The following TPTE2 variants were observed in gnomAD, a reference collection of about 807,000 sequenced individuals.
TPTE2 encodes the protein phosphatidylinositol 3,4,5-trisphosphate 3-phosphatase TPTE2.
TPTE2 carries 53 observed loss-of-function variants against 78.6 expected under a neutral mutation model. That is an observed-to-expected ratio of 0.67 (90% CI 0.54 to 0.85). The LOEUF is 0.85. Among genes scored for constraint, TPTE2 ranks in the 40% least tolerant of loss-of-function variants. The pLI, the probability that TPTE2 is intolerant of heterozygous loss-of-function variation, is 0.00. For missense variants in TPTE2, 461 were observed against 623.0 expected (o/e 0.74, Z 2.77); for synonymous variants, 175 against 206.2 (o/e 0.85, Z 1.30).
At chr13:19,446,200 A>G (rs997139897) in intron 13 of TPTE2, among the ~76,000 whole-genome samples, 2 of 152,240 alleles carry the variant, frequency 1.3e-5, no homozygotes, top group African/African-American at 4.8e-5. Flanking sequence ...TAAAAATCCT[A>G]AAAGTGTTCC....
intron 11 of TPTE2, among the ~76,000 whole-genome samples, 154 bp downstream of exon 14, chr13:19,451,011 A>G (rs1213751451): frequency 5.3e-5 from 8 of 152,164 alleles, no homozygotes; most frequent in Non-Finnish European, 1.2e-4. Flanking sequence ...TCCCTCTACT[A>G]AATGGGGCCA....
intron 9 of TPTE2, 22 bp from the exon 13 acceptor site, chr13:19,464,542 A>G (rs1879141378): frequency 6.2e-7 from 1 of 1,607,672 alleles, no homozygotes. Flanking sequence ...AATCATCACT[A>G]TTACAAACAT....
At chr13:19,513,142 G>A (rs531587559) in intron 1 of TPTE2, among the ~76,000 whole-genome samples, 39 of 152,158 alleles carry the variant, frequency 2.6e-4, no homozygotes, top group African/African-American at 5.5e-4. Flanking sequence ...ACACAGCATC[G>A]GTTATAAAAG....
chr13:19,482,694 T>A, intron 3 of TPTE2, 147 bp from the exon 7 acceptor site: 1 of 980,816 alleles, frequency 1.0e-6, no homozygotes, highest in Non-Finnish European at 1.5e-6. Context: ...ACCTAATATT[T>A]AAGAAAGAAA....
intron 15 of TPTE2, 38 bp downstream of exon 18, chr13:19,436,188 C>G: frequency 6.5e-7 from 1 of 1,541,476 alleles, no homozygotes; most frequent in Non-Finnish European, 8.9e-7. Flanking sequence ...TTAACCCACT[C>G]CCCTAAAAAA....
chr13:19,516,891 T>G (rs1869829678), intron 1 of TPTE2, among the ~76,000 whole-genome samples: 1 of 152,254 alleles, frequency 6.6e-6, no homozygotes, highest in South Asian at 2.1e-4. Context: ...TTTTTCTATC[T>G]AATTATTTTT....
chr13:19,446,676 C>T, intron 13 of TPTE2, among the ~76,000 whole-genome samples: 1 of 152,210 alleles, frequency 6.6e-6, no homozygotes, highest in Non-Finnish European at 1.5e-5. Context: ...CATGATGGCT[C>T]ATGCCTGTAA....
intron 1 of TPTE2, among the ~76,000 whole-genome samples, chr13:19,494,764 C>T (rs1881207769): frequency 6.6e-6 from 1 of 152,126 alleles, no homozygotes; most frequent in South Asian, 2.1e-4. Context: ...ATGATGACTC[C>T]CGCCAGGGCA....
chr13:19,537,242 T>C (rs866000319), upstream of TPTE2, among the ~76,000 whole-genome samples: 1,009 of 151,498 alleles, frequency 6.7e-3, 9 homozygotes, highest in African/African-American at 0.022. Flanking sequence ...GATTTTTTTT[T>C]TTTTTTTTGA....
chr13:19,556,724 C>T, the TPTE2 span, among the ~76,000 whole-genome samples: 4 of 152,118 alleles, frequency 2.6e-5, no homozygotes, highest in African/African-American at 9.7e-5. Flanking sequence ...AAGGGGCTCA[C>T]TATGTTGCCC....
At chr13:19,549,938 G>A in the TPTE2 span, among the ~76,000 whole-genome samples, 12 of 89,310 alleles carry the variant, frequency 1.3e-4, 1 homozygote, top group African/African-American at 3.3e-4. Context: ...TTTATAAGTG[G>A]GAGCTAAACA....
At chr13:19,469,851 A>G (rs1879497589) in intron 6 of TPTE2, among the ~76,000 whole-genome samples, 1 of 152,180 alleles carries the variant, frequency 6.6e-6, no homozygotes, top group Admixed American at 6.5e-5. Context: ...TAGAAATGCT[A>G]CTGATTTTTG....
At chr13:19,512,662 T>A (rs539171526) in intron 1 of TPTE2, among the ~76,000 whole-genome samples, 5 of 152,040 alleles carry the variant, frequency 3.3e-5, no homozygotes, top group Middle Eastern at 3.4e-3. Flanking sequence ...CACTGCAACC[T>A]CTGCCTCCTG....
upstream of TPTE2, among the ~76,000 whole-genome samples, chr13:19,506,160 C>CTT (rs71092369): frequency 2.9e-3 from 95 of 32,842 alleles, 37 homozygotes; most frequent in African/African-American, 0.011. Context: ...GTATATAAAT[C>CTT]TTTTTTTTTT....
intron 4 of TPTE2, among the ~76,000 whole-genome samples, chr13:19,480,748 G>A (rs1042492613): frequency 5.2e-4 from 75 of 145,038 alleles, no homozygotes; most frequent in African/African-American, 1.8e-3. Flanking sequence ...TAAGTGTGGG[G>A]GGGAGAAATG....
At chr13:19,460,356 C>T (rs1211316743) in intron 10 of TPTE2, among the ~76,000 whole-genome samples, 4 of 152,210 alleles carry the variant, frequency 2.6e-5, no homozygotes, top group Admixed American at 6.5e-5. Flanking sequence ...CCTCTGCCTG[C>T]TTGTCTTCAT....
chr13:19,479,991 T>C (rs528567949), intron 4 of TPTE2, among the ~76,000 whole-genome samples: 1 of 150,450 alleles, frequency 6.6e-6, no homozygotes, highest in East Asian at 1.9e-4. Flanking sequence ...GAAAAAGATA[T>C]GAGATACTAA....
chr13:19,542,364 C>T, the TPTE2 span, among the ~76,000 whole-genome samples: 1 of 152,154 alleles, frequency 6.6e-6, no homozygotes, highest in Admixed American at 6.5e-5. Context: ...ATCAAGGTGA[C>T]AGCCATACTG....
the TPTE2 span, among the ~76,000 whole-genome samples, chr13:19,559,112 T>A: frequency 6.6e-6 from 1 of 152,230 alleles, no homozygotes; most frequent in Non-Finnish European, 1.5e-5. Flanking sequence ...ATCATGAATG[T>A]CTTCACCAGC....
Sources: allele counts gnomAD v4.1 joint callset (sites outside exome capture counted in the v4.1 genomes callset), GRCh38; gene constraint gnomAD v4.1.1; transcripts MANE v1.5; gene names NCBI Gene and HGNC (gene_info 2026-07-23, HGNC 2026-07-21).